ADAP1: variants seen among roughly 807,000 people sequenced by gnomAD.
ADAP1 encodes the protein ArfGAP with dual PH domains 1.
In ADAP1, 31 loss-of-function variants were observed where a neutral mutation model predicts 54.9. That is an observed-to-expected ratio of 0.56 (90% confidence interval 0.42 to 0.76). The LOEUF is 0.76. ADAP1 is among the 30% of genes least tolerant of loss of function. ADAP1 has a pLI of 0.00. For synonymous variants in ADAP1, 313 were observed against 202.6 expected, an observed-to-expected ratio of 1.55 and a Z score of -4.63; for missense variants, 535 against 512.4, an observed-to-expected ratio of 1.04 and a Z score of -0.42.
Position 898,854 on chromosome 7 carries a change from C to T in ADAP1, c.*67G>A, listed in dbSNP as rs1242680288. The T allele has an allele frequency of 7.1e-6, 11 of 1,551,070 alleles. No homozygotes were observed. In the East Asian group the frequency reaches 2.4e-4, roughly 34 times the overall value. On this transcript the variant is annotated 3_prime_UTR_variant, in exon 11 of 11. Coordinates refer to ENST00000265846, the MANE Select transcript of ADAP1 (RefSeq NM_006869.4). ...GGTGGCCTCAGGACGCCAGAGCCCC[C>T]CCATCCACGGGTCCCCTCCGTCCAG...
At chr7:954,152 G>T (rs1041638402) in intron 1 of ADAP1, among the ~76,000 whole-genome samples, 3 of 151,890 alleles carry the variant, frequency 2.0e-5, no homozygotes, top group African/African-American at 7.2e-5. Context: ...GGCGGCAGGG[G>T]GGTTTCCGGG....
In ADAP1 at chr7:938,271, C is replaced by G. The variant is rs748660306; in HGVS notation, c.83-2766G>C. Among the ~76,000 whole-genome samples, 1 of 152,132 alleles carries G rather than the reference C, an allele frequency of 6.6e-6. No homozygotes were observed. Among genetic ancestry groups the G allele is most frequent in the Non-Finnish European group, 1.5e-5 (1 of 68,022 alleles). ...TCACAGCTCACTGCAGCCTCCAACG[C>G]CTGGGCTCAAGCGATCCTCCTGCCT... On this transcript the variant is annotated intron_variant, in intron 1 of 10. Transcript: ENST00000265846. This position sits in a 1 kb window ranked among gnomAD's most constrained non-coding sequence, Gnocchi z 4.4.
intron 2 of ADAP1, chr7:927,149 G>A (rs1159379203): frequency 7.7e-7 from 1 of 1,303,660 alleles, no homozygotes; most frequent in South Asian, 1.2e-5. Context: ...AGTCTCTGAG[G>A]GGACTCTGCA....
At chr7:929,878 G>T (rs1370849327) in intron 2 of ADAP1, among the ~76,000 whole-genome samples, 1 of 152,026 alleles carries the variant, frequency 6.6e-6, no homozygotes, top group African/African-American at 2.4e-5. Context: ...TGAGGCGGGA[G>T]GATCACTTGA....
At chr7:917,930 C>A (rs1412753119) in intron 4 of ADAP1, among the ~76,000 whole-genome samples, 1 of 152,130 alleles carries the variant, frequency 6.6e-6, no homozygotes, top group Non-Finnish European at 1.5e-5. Context: ...GCCAACCACG[C>A]CCAGCTAATT....
Position 954,520 on chromosome 7 carries a change from G to A in ADAP1, c.-43C>T, listed in dbSNP as rs1847341778. 1 of 1,005,610 alleles carries A rather than the reference G, an allele frequency of 9.9e-7. No homozygotes were observed. The highest frequency in any genetic ancestry group is 1.2e-6 in the Non-Finnish European group (1 of 845,314). The allele number at this position is 1,005,610 out of a possible 1,614,324, so 62.3% of individuals were successfully genotyped here. On this transcript the variant is annotated 5_prime_UTR_variant, in exon 1 of 11. Coordinates refer to ENST00000265846, the MANE Select transcript of ADAP1 (RefSeq NM_006869.4). ...GATGCCGATGCCGGGGCCGGGGCCGGGAGCGTCAGCCCGGCTCGCTAGGGC... is the reference window on the plus strand; with the variant it reads ...GATGCCGATGCCGGGGCCGGGGCCGAGAGCGTCAGCCCGGCTCGCTAGGGC...
chr7:913,096 G>C (rs965358662), intron 4 of ADAP1, among the ~76,000 whole-genome samples: 2 of 151,930 alleles, frequency 1.3e-5, no homozygotes, highest in Non-Finnish European at 2.9e-5. Context: ...CTCCCACCTC[G>C]GCCTCCCAGA....
At chr7:904,672 C>A (rs560116416) in intron 5 of ADAP1, among the ~76,000 whole-genome samples, 5 of 152,328 alleles carry the variant, frequency 3.3e-5, no homozygotes, top group African/African-American at 1.2e-4. Flanking sequence ...CTTGTGAAGA[C>A]CCCACTGTTC....
At chr7:950,915 G>A (rs1222736560) in intron 1 of ADAP1, among the ~76,000 whole-genome samples, 1 of 151,058 alleles carries the variant, frequency 6.6e-6, no homozygotes, top group Non-Finnish European at 1.5e-5. Flanking sequence ...TGGGTGCCCC[G>A]GACTGGGGAG....
intron 4 of ADAP1, among the ~76,000 whole-genome samples, chr7:918,572 G>C (rs2128103997): frequency 6.6e-6 from 1 of 152,310 alleles, no homozygotes; most frequent in South Asian, 2.1e-4. Context: ...TGCTGGGGTT[G>C]CAGGTCCGGG....
chr7:900,639 G>A (rs1283151821), intron 6 of ADAP1, 23 bp from the exon 7 acceptor site: 2 of 1,568,378 alleles, frequency 1.3e-6, no homozygotes, highest in Non-Finnish European at 1.7e-6. Context: ...GTGGGCACAG[G>A]CTTGGGCTGA....
chr7:901,729 A>C, intron 6 of ADAP1, among the ~76,000 whole-genome samples: 1 of 112,256 alleles, frequency 8.9e-6, no homozygotes, highest in African/African-American at 3.4e-5. Flanking sequence ...CACCCACGCC[A>C]CCCAACCAGC....
upstream of ADAP1, among the ~76,000 whole-genome samples, chr7:954,964 C>T (rs527424304): frequency 8.6e-4 from 131 of 152,232 alleles, no homozygotes; most frequent in Non-Finnish European, 1.4e-3. Context: ...CTGTGGGGGG[C>T]GCAGAGGGCA....
intron 1 of ADAP1, among the ~76,000 whole-genome samples, chr7:937,231 G>A (rs1476310096): frequency 1.8e-5 from 1 of 54,190 alleles, no homozygotes; most frequent in East Asian, 4.4e-4. Context: ...GGTCACGCCC[G>A]GCCTCTGGGA....
intron 8 of ADAP1, among the ~76,000 whole-genome samples, chr7:899,752 C>A (rs181333346): frequency 5.3e-4 from 80 of 152,292 alleles, no homozygotes; most frequent in African/African-American, 1.8e-3. Context: ...ACTTACGAGC[C>A]CTCACACCTG....
intron 3 of ADAP1, among the ~76,000 whole-genome samples, chr7:925,778 G>C (rs1275195723): frequency 6.6e-6 from 1 of 152,260 alleles, no homozygotes; most frequent in Admixed American, 6.5e-5. Context: ...CCTGCACCCA[G>C]CTCGTGCTCG....
At chr7:910,928 C>A (rs1296436511) in intron 4 of ADAP1, among the ~76,000 whole-genome samples, 1 of 152,134 alleles carries the variant, frequency 6.6e-6, no homozygotes, top group Non-Finnish European at 1.5e-5. Context: ...CCGGAGCCCA[C>A]GGCAGAGCAG....
At position 906,660 on chromosome 7, in the gene ADAP1, C is replaced by A. The variant is rs1379375130; in HGVS notation, c.389-1488G>T. Among the ~76,000 whole-genome samples the A allele has an allele frequency of 1.7e-3, 98 of 57,246 alleles. 2 individuals are homozygous for A. The highest frequency in any genetic ancestry group is 2.7e-3 in the Admixed American group (16 of 5,910). 37.6% of individuals were successfully genotyped at this position (57,246 alleles called of 152,430 possible). ...GGAGAAAGGGAAAGGAGAAAGGGGG[C>A]GGGAAAGGGGACATGGACAGGGGAC... On this transcript the variant is annotated intron_variant, in intron 4 of 10. Transcript: ENST00000265846.
chr7:948,345 T>C (rs993335628), intron 1 of ADAP1, among the ~76,000 whole-genome samples: 2 of 152,082 alleles, frequency 1.3e-5, no homozygotes, highest in African/African-American at 4.8e-5. Context: ...AGCTTCTGAA[T>C]GGAACACGCC....
Sources: allele counts gnomAD v4.1 joint callset (sites outside exome capture counted in the v4.1 genomes callset), GRCh38; gene constraint gnomAD v4.1.1; non-coding constraint Gnocchi (gnomAD v3.1); transcripts MANE v1.5; gene names NCBI Gene and HGNC (gene_info 2026-07-23, HGNC 2026-07-21).